The following NASP variants were observed in gnomAD, a reference collection of about 807,000 sequenced individuals.
NASP encodes NASP histone chaperone.
Under a neutral mutation model 89.5 loss-of-function variants are expected in NASP, and 24 were observed. That is an observed-to-expected ratio of 0.27 (90% CI 0.19 to 0.38). The LOEUF (loss-of-function observed/expected upper bound fraction) is 0.38. NASP is among the 10% of genes least tolerant of loss of function. The pLI is 1.00. For synonymous variants in NASP, 306 were observed against 324.7 expected, an observed-to-expected ratio of 0.94 and a Z score of 0.62; for missense variants, 848 against 921.4, an observed-to-expected ratio of 0.92 and a Z score of 1.03.
chr1:45,600,433 A>G, intron 2 of NASP: 1 of 1,279,776 alleles, frequency 7.8e-7, no homozygotes, highest in South Asian at 1.3e-5. Flanking sequence ...CATTTTGTAG[A>G]ATATTATCTA....
intron 2 of NASP, among the ~76,000 whole-genome samples, chr1:45,596,408 C>G (rs1183002768): frequency 6.6e-6 from 1 of 152,198 alleles, no homozygotes; most frequent in Non-Finnish European, 1.5e-5. Flanking sequence ...ATTCTGCTTT[C>G]TGTCTCTGAA....
intron 13 of NASP, among the ~76,000 whole-genome samples, chr1:45,617,078 C>T (rs923440975): frequency 1.7e-4 from 26 of 152,142 alleles, no homozygotes; most frequent in African/African-American, 6.0e-4. Flanking sequence ...CTGCTGACCT[C>T]GTGATCCACC....
chr1:45,607,516 C>A lies in NASP; in HGVS notation c.605C>A (p.Thr202Asn). Residue 202 changes from threonine to asparagine, a missense_variant, in exon 6 of 15, where the codon ACT (threonine) becomes AAT (asparagine). This residue lies in a region of NASP where 464 missense variants were observed against 469.4 expected (regional missense o/e 0.99). Coordinates refer to ENST00000350030, the MANE Select transcript of NASP (RefSeq NM_002482.4). ...GAGCCACAGGAAAAAGTTGACTTGA[C>A]TCTAGATTGGTTAACTGAAACCTCT... Reference protein sequence around the residue: ...AEEPQEKVDLTLDWLTETSEE... With the variant: ...AEEPQEKVDLNLDWLTETSEE... 6.2e-7 allele frequency: 1 copy of A among 1,614,010 alleles called. No individual in the cohort carries two copies. Among genetic ancestry groups the A allele is most frequent in the Non-Finnish European group, 8.5e-7 (1 of 1,179,976 alleles).
chr1:45,613,088 T>C (rs530629135), intron 6 of NASP, 81 bp from the exon 7 acceptor site: 65 of 1,506,338 alleles, frequency 4.3e-5, no homozygotes, highest in African/African-American at 3.8e-4. Flanking sequence ...TGAATATAGG[T>C]TGAGACGTGT....
chr1:45,606,144 G>A (rs2148356681), intron 4 of NASP, among the ~76,000 whole-genome samples: 1 of 152,306 alleles, frequency 6.6e-6, no homozygotes, highest in South Asian at 2.1e-4. Flanking sequence ...TCTTGCTAGA[G>A]TATTTTTGGC....
intron 4 of NASP, 31 bp downstream of exon 4, chr1:45,605,047 T>A (rs1459180852): frequency 6.6e-7 from 1 of 1,509,212 alleles, no homozygotes. Context: ...AACTGAAGTT[T>A]CCTTGTTAAG....
rs1341016347 is a variant in NASP at position 45,602,501 on chromosome 1, C to T, written c.218+136C>T. On this transcript the variant is annotated intron_variant, in intron 3 of 14. Transcript: ENST00000350030. ...TGATTATTTTTCATGTGGTTTGTAC[C>T]AGTAACTATAAGTGTAAAACTTAAA... 8 of 818,768 alleles carry T rather than the reference C, an allele frequency of 9.8e-6. No individual in the cohort carries two copies. The East Asian group carries it at 1.8e-4, about 18-fold the overall frequency. 50.7% of individuals were successfully genotyped at this position (818,768 alleles called of 1,614,324 possible). A position where few individuals can be genotyped will look rare whatever the true frequency, so the allele number is the denominator to read the frequency against.
At chr1:45,601,716 G>A (rs1265950717) in intron 2 of NASP, among the ~76,000 whole-genome samples, 3 of 144,096 alleles carry the variant, frequency 2.1e-5, no homozygotes, top group Non-Finnish European at 3.0e-5. Flanking sequence ...TACAATACAG[G>A]CTTTGTGATT....
intron 7 of NASP, among the ~76,000 whole-genome samples, chr1:45,613,842 A>T (rs1013141453): frequency 3.9e-5 from 6 of 152,052 alleles, no homozygotes; most frequent in Non-Finnish European, 7.4e-5. Flanking sequence ...GGGACCCTTT[A>T]TTCATGCCTA....
At chr1:45,585,211 T>C (rs1245693935) in intron 1 of NASP, among the ~76,000 whole-genome samples, 1 of 152,204 alleles carries the variant, frequency 6.6e-6, no homozygotes, top group East Asian at 1.9e-4. Context: ...TCCCATACAG[T>C]AGGTCTGATT....
At chr1:45,607,242 A>T in intron 5 of NASP, 79 bp from the exon 6 acceptor site, 1 of 1,417,866 alleles carries the variant, frequency 7.1e-7, no homozygotes, top group South Asian at 1.3e-5. Flanking sequence ...TTTAAAGGGA[A>T]TGTATTTTTA....
Position 45,618,097 on chromosome 1 carries a change from G to C in NASP, c.2323G>C (p.Gly775Arg). ...NQAESRAAVE[G>R]TVEAGATVES... ...GGCTGAAAGCCGGGCAGCAGTGGAG[G>C]GGACAGTGGAGGCTGGAGCTACAGT... The change falls in exon 15 of 15, where the codon GGG becomes CGG. Residue 775 changes from glycine (G) to arginine (R), a missense_variant. Physicochemically the swap from Gly to Arg is moderately radical, Grantham distance 125. Around this residue, in one of 5 missense-constraint regions of NASP, gnomAD observed 218 missense variants for 219.6 expected, o/e 0.99. Coordinates refer to ENST00000350030, the MANE Select transcript of NASP (RefSeq NM_002482.4). 6.2e-7 allele frequency: 1 copy of C among 1,604,236 alleles called. No homozygotes were observed.
intron 3 of NASP, among the ~76,000 whole-genome samples, chr1:45,604,546 A>G (rs1486253166): frequency 6.6e-6 from 1 of 151,926 alleles, no homozygotes; most frequent in African/African-American, 2.4e-5. Flanking sequence ...AGAACTCCAG[A>G]TATTCTGCGC....
At chr1:45,611,551 C>G (rs1001784987) in intron 6 of NASP, 1 of 149,390 alleles carries the variant, frequency 6.7e-6, no homozygotes, top group African/African-American at 2.5e-5. Context: ...ACTGCAACCT[C>G]CGCCTCCTAG....
At position 45,606,942 on chromosome 1, in the gene NASP, TAGC is replaced by T. The variant is rs201473496; in HGVS notation, c.409+354_409+356del. On this transcript the variant is annotated intron_variant, in intron 5 of 14. Coordinates refer to ENST00000350030, the MANE Select transcript of NASP (RefSeq NM_002482.4). The stretch of plus-strand genomic sequence containing the variant: ...AGCCTGTGCAGTTCAGTTATTTTAA[TAGC>T]AGTACTTTTAGAGCCCTTGTACATT... Among the ~76,000 whole-genome samples the T allele has an allele frequency of 6.2e-3, 944 of 152,342 alleles. 7 individuals are homozygous for T. The highest frequency in any genetic ancestry group is 0.022 in the African/African-American group (911 of 41,574).
Position 45,614,090 on chromosome 1 carries a change from C to T in NASP, c.1507-6C>T, listed in dbSNP as rs746271091. Reference sequence around the variant, plus strand: ...CCTATCTTTTTATTATTTGGTTATACTTTAGTCTCTTCAAGAAAATGAGGA... The same window carrying T: ...CCTATCTTTTTATTATTTGGTTATATTTTAGTCTCTTCAAGAAAATGAGGA... On this transcript the variant is annotated splice_polypyrimidine_tract_variant and splice_region_variant and intron_variant, in intron 7 of 14. Transcript: ENST00000350030. 5 of 1,569,640 alleles carry T rather than the reference C, an allele frequency of 3.2e-6. No homozygotes were observed. In the African/African-American group the frequency reaches 5.4e-5, roughly 17 times the overall value.
At chr1:45,598,970 A>G (rs552221327) in intron 2 of NASP, among the ~76,000 whole-genome samples, 9 of 152,282 alleles carry the variant, frequency 5.9e-5, no homozygotes, top group African/African-American at 1.2e-4. Flanking sequence ...CATTTGCTTC[A>G]CCTCTTTCAT....
At chr1:45,590,567 A>G (rs1051445593) in intron 1 of NASP, among the ~76,000 whole-genome samples, 11 of 150,660 alleles carry the variant, frequency 7.3e-5, no homozygotes. Flanking sequence ...AAAAAAAAAA[A>G]GAAAAGAAAT....
intron 14 of NASP, 80 bp from the exon 15 acceptor site, chr1:45,617,981 C>T (rs779675849): frequency 5.4e-6 from 7 of 1,288,686 alleles, no homozygotes; most frequent in Non-Finnish European, 7.7e-6. Context: ...TATATGCTTC[C>T]TATGACTGAG....
Sources: allele counts gnomAD v4.1 joint callset (sites outside exome capture counted in the v4.1 genomes callset), GRCh38; gene constraint gnomAD v4.1.1; regional missense constraint gnomAD v4.1.1; transcripts MANE v1.5; gene names NCBI Gene and HGNC (gene_info 2026-07-23, HGNC 2026-07-21).